Variants in ERBIN observed in about 807,000 individuals in gnomAD.
The protein encoded by ERBIN is densin-180-like protein.
A neutral mutation model predicts 158.4 loss-of-function variants in ERBIN; 60 were observed. The observed-to-expected ratio is 0.38, with a 90% confidence interval of 0.31 to 0.47. The LOEUF is 0.47. ERBIN is among the 20% of genes least tolerant of loss of function. ERBIN has a pLI of 0.99. For synonymous variants in ERBIN, 594 were observed against 557.2 expected, an observed-to-expected ratio of 1.07 and a Z score of -0.93; for missense variants, 1,610 against 1,648.0, an observed-to-expected ratio of 0.98 and a Z score of 0.40.
intron 20 of ERBIN, 118 bp downstream of exon 20, chr5:66,051,084 T>C (rs1002556355): frequency 3.3e-6 from 2 of 606,098 alleles, no homozygotes; most frequent in African/African-American, 2.0e-5. Flanking sequence ...TCCAGTAATA[T>C]GTTTTATTTC....
At chr5:65,948,117 A>T (rs541185968) in intron 1 of ERBIN, among the ~76,000 whole-genome samples, 2 of 151,936 alleles carry the variant, frequency 1.3e-5, no homozygotes, top group Admixed American at 1.3e-4. Flanking sequence ...TACAGCACGT[A>T]TTCTATAGCT....
At chr5:65,940,026 A>G (rs1451978585) in intron 1 of ERBIN, among the ~76,000 whole-genome samples, 1 of 146,850 alleles carries the variant, frequency 6.8e-6, no homozygotes, top group Non-Finnish European at 1.5e-5. Context: ...GGACGTGAGG[A>G]GCCCCTCTGC....
chr5:66,055,003 C>T (rs772131533), intron 21 of ERBIN, 52 bp downstream of exon 21: 59 of 1,475,082 alleles, frequency 4.0e-5, no homozygotes, highest in Non-Finnish European at 5.1e-5. Context: ...AATTATTTTC[C>T]TTAAAAATGA....
At chr5:66,071,955 TA>T (rs1761573040) in intron 21 of ERBIN, among the ~76,000 whole-genome samples, 1 of 152,162 alleles carries the variant, frequency 6.6e-6, no homozygotes, top group African/African-American at 2.4e-5. Context: ...TGTTTTCATA[TA>T]AGCTTTTCAT....
chr5:66,015,595 T>A (rs973670640), intron 7 of ERBIN, among the ~76,000 whole-genome samples: 3 of 151,990 alleles, frequency 2.0e-5, no homozygotes, highest in African/African-American at 7.3e-5. Context: ...ACAGAAAAAA[T>A]TTGCCAACTC....
In ERBIN at chr5:65,940,782, C is replaced by T. The variant is rs534822702; in HGVS notation, c.-58+13976C>T. The stretch of plus-strand genomic sequence containing the variant: ...CCGCCCCTACTGGGAAGTGAGGAGC[C>T]CCTCTGCCCAGCCACCACCCCGTCT... On this transcript the variant is annotated intron_variant, in intron 1 of 25. Coordinates refer to ENST00000284037, the MANE Select transcript of ERBIN (RefSeq NM_001253697.2). Among the ~76,000 whole-genome samples the T allele has an allele frequency of 1.2e-3, 182 of 151,974 alleles. 1 individual carries two copies. Among genetic ancestry groups the T allele is most frequent in the African/African-American group, 4.3e-3 (178 of 41,442 alleles).
At chr5:65,968,046 TC>T (rs1748854779) in intron 1 of ERBIN, among the ~76,000 whole-genome samples, 1 of 152,204 alleles carries the variant, frequency 6.6e-6, no homozygotes, top group South Asian at 2.1e-4. Context: ...TAGCATCACT[TC>T]TGTTATATTT....
At chr5:65,986,127 T>C (rs1208258071) in intron 1 of ERBIN, among the ~76,000 whole-genome samples, 1 of 152,226 alleles carries the variant, frequency 6.6e-6, no homozygotes, top group Non-Finnish European at 1.5e-5. Flanking sequence ...ATTTCATTGC[T>C]TTAAATACCA....
chr5:66,007,308 A>G (rs889309241), intron 4 of ERBIN, among the ~76,000 whole-genome samples: 2 of 152,104 alleles, frequency 1.3e-5, no homozygotes, highest in Non-Finnish European at 2.9e-5. Context: ...CAAACACTGC[A>G]TGTTCTCACT....
chr5:66,037,244 AATAG>A (rs978383279), intron 14 of ERBIN, among the ~76,000 whole-genome samples: 43 of 152,304 alleles, frequency 2.8e-4, no homozygotes, highest in African/African-American at 9.9e-4. Context: ...AAGAGCCAGG[AATAG>A]ATGAATACCA....
At chr5:66,004,134 G>T (rs1753308738) in intron 4 of ERBIN, among the ~76,000 whole-genome samples, 2 of 147,670 alleles carry the variant, frequency 1.4e-5, no homozygotes, top group South Asian at 4.3e-4. Context: ...AAGAGATGGG[G>T]TTTTGCCATG....
At position 66,014,717 on chromosome 5, in the gene ERBIN, GT is replaced by G; in HGVS notation, c.527del (p.Leu176CysfsTer5). Reference protein sequence around the residue: ...LELRENQLKMLPKTMNRLTQL... With the variant: ...LELRENQLKMXPKTMNRLTQL... Reference sequence around the variant, plus strand: ...AGCTTAGAGAAAACCAGTTAAAAATGTTGCCTAAGTAAGTAAAGGTGCTATT... The same window carrying G: ...AGCTTAGAGAAAACCAGTTAAAAATGTGCCTAAGTAAGTAAAGGTGCTATT... On this transcript the variant is annotated frameshift_variant, in exon 7 of 26. Transcript: ENST00000284037. LOFTEE classifies it high-confidence loss of function. 1 of 1,436,582 alleles carries G rather than the reference GT, an allele frequency of 7.0e-7. No individual in the cohort carries two copies. Among genetic ancestry groups the G allele is most frequent in the Non-Finnish European group, 9.4e-7 (1 of 1,061,278 alleles). 89.0% of individuals were successfully genotyped at this position (1,436,582 alleles called of 1,614,324 possible).
intron 22 of ERBIN, 131 bp from the exon 23 acceptor site, chr5:66,074,893 T>C (rs765135890): frequency 2.9e-6 from 2 of 701,196 alleles, no homozygotes; most frequent in Non-Finnish European, 4.7e-6. Flanking sequence ...AAATAGTAAG[T>C]GGCATGGTAT....
At chr5:66,025,776 A>G in intron 11 of ERBIN, 72 bp from the exon 12 acceptor site, 2 of 1,117,246 alleles carry the variant, frequency 1.8e-6, no homozygotes, top group Non-Finnish European at 2.5e-6. Flanking sequence ...AAATGTTTAT[A>G]TGTTCTGAAA....
At chr5:66,047,234 T>C (rs990278951) in intron 18 of ERBIN, among the ~76,000 whole-genome samples, 2 of 152,128 alleles carry the variant, frequency 1.3e-5, no homozygotes, top group Non-Finnish European at 2.9e-5. Flanking sequence ...CAATATGTGG[T>C]CTTTTGTGCC....
In ERBIN at chr5:66,035,870, G is replaced by A. The variant is rs994602049; in HGVS notation, c.1207-2513G>A. ...GCACTTTGAGAAGTCAAGGCAGGAGGCTTGCTTGAGGCCGGGAGTTTGAGA... is the reference window on the plus strand; with the variant it reads ...GCACTTTGAGAAGTCAAGGCAGGAGACTTGCTTGAGGCCGGGAGTTTGAGA... On this transcript the variant is annotated intron_variant, in intron 14 of 25. Transcript: ENST00000284037. Among the ~76,000 whole-genome samples the A allele has an allele frequency of 7.2e-5, 11 of 152,262 alleles. 1 individual carries two copies. The East Asian group carries it at 2.1e-3, about 29-fold the overall frequency.
rs895604983 is a variant in ERBIN, at chr5:66,080,674, C to A, written c.*2144C>A. Reference sequence around the variant, plus strand: ...AGTATAATTGTGAAGTTTTCAACTACTTTACCTTGAACCACATATACCAAT... The same window carrying A: ...AGTATAATTGTGAAGTTTTCAACTAATTTACCTTGAACCACATATACCAAT... On this transcript the variant is annotated 3_prime_UTR_variant, in exon 26 of 26. Coordinates refer to ENST00000284037, the MANE Select transcript of ERBIN (RefSeq NM_001253697.2). The A allele has an allele frequency of 1.3e-5, 2 of 152,008 alleles. No individual in the cohort carries two copies. The highest frequency in any genetic ancestry group is 4.8e-5 in the African/African-American group (2 of 41,442). The allele number at this position is 152,008 out of a possible 1,614,324, so 9.4% of individuals were successfully genotyped here. A position where few individuals can be genotyped will look rare whatever the true frequency, so the allele number is the denominator to read the frequency against.
Position 66,013,530 on chromosome 5 carries a change from A to C in ERBIN, c.387-19A>C, listed in dbSNP as rs372293797. 1 of 1,495,346 alleles carries C rather than the reference A, an allele frequency of 6.7e-7. No individual in the cohort carries two copies. The highest frequency in any genetic ancestry group is 9.3e-7 in the Non-Finnish European group (1 of 1,073,902). 92.6% of individuals were successfully genotyped at this position (1,495,346 alleles called of 1,614,324 possible). On this transcript the variant is annotated intron_variant, in intron 5 of 25. Transcript: ENST00000284037. ...AATTTCTTACATGAACTTAACTTAA[A>C]TTCTGGTATTTTATGTAGGCTCCCT...
At chr5:65,944,776 G>T (rs1162946198) in intron 1 of ERBIN, among the ~76,000 whole-genome samples, 1 of 152,046 alleles carries the variant, frequency 6.6e-6, no homozygotes, top group Non-Finnish European at 1.5e-5. Context: ...TTGGCTATTT[G>T]TATATCTTTG....
Sources: allele counts gnomAD v4.1 joint callset (sites outside exome capture counted in the v4.1 genomes callset), GRCh38; gene constraint gnomAD v4.1.1; transcripts MANE v1.5; gene names NCBI Gene and HGNC (gene_info 2026-07-23, HGNC 2026-07-21).